TMEM260: variants seen among roughly 807,000 people sequenced by gnomAD.
The protein encoded by TMEM260 is protein O-mannosyl-transferase TMEM260.
Under a neutral mutation model 88.9 loss-of-function variants are expected in TMEM260, and 82 were observed. The ratio of observed to expected loss-of-function variants is 0.92; its 90% CI spans 0.77 to 1.11. The LOEUF (loss-of-function observed/expected upper bound fraction) is 1.11, where lower values mean the gene tolerates loss of function less well. Ranked by LOEUF, TMEM260 falls within the 50% of genes least tolerant of loss-of-function variation. The probability of loss-of-function intolerance (pLI) is 0.00; values close to 1 mark genes in which losing one functional copy is unlikely to be tolerated. For missense variants in TMEM260, 902 were observed against 853.4 expected (o/e 1.06, Z -0.71); for synonymous variants, 314 against 309.3 (o/e 1.02, Z -0.16).
At chr14:56,604,369 T>C (rs1886765416) in intron 4 of TMEM260, among the ~76,000 whole-genome samples, 1 of 152,188 alleles carries the variant, frequency 6.6e-6, no homozygotes, top group African/African-American at 2.4e-5. Context: ...CACTCCTTAA[T>C]TGCCAAAAAA....
At chr14:56,635,067 A>T in intron 14 of TMEM260, 115 bp downstream of exon 14, 2 of 865,418 alleles carry the variant, frequency 2.3e-6, no homozygotes, top group Non-Finnish European at 3.8e-6. Flanking sequence ...AATAGCATTT[A>T]TGAGCAATTA....
At chr14:56,654,414 G>A (rs1890263127), downstream of TMEM260, among the ~76,000 whole-genome samples, 1 of 152,210 alleles carries the variant, frequency 6.6e-6, no homozygotes, top group Non-Finnish European at 1.5e-5. Flanking sequence ...GTATTTTAGA[G>A]AAAGAAATAT....
At position 56,618,612 on chromosome 14, in the gene TMEM260, C is replaced by T; in HGVS notation, c.1075C>T (p.Gln359Ter). ...FMGVVERFWM[Q>*]SNAVVAVLAG... The stretch of plus-strand genomic sequence containing the variant: ...TTCACAGGTGGAACGATTCTGGATG[C>T]AGAGCAATGCAGTAGTGGCCGTCCT... The change falls in exon 10 of 16, where the codon CAG (glutamine) becomes TAG (stop). Residue 359 changes from glutamine to a stop codon, truncating the protein, a stop_gained. Transcript: ENST00000261556. LOFTEE classifies it high-confidence loss of function. 1 of 1,613,982 alleles carries T rather than the reference C, an allele frequency of 6.2e-7. No homozygotes were observed. Among genetic ancestry groups the T allele is most frequent in the Non-Finnish European group, 8.5e-7 (1 of 1,179,990 alleles).
In TMEM260 at chr14:56,580,073, C is replaced by T. The variant is rs776795267; in HGVS notation, c.159C>T (p.Ser53=). 1.7e-5 allele frequency: 21 copies of T among 1,251,406 alleles called. No homozygotes were observed. In the East Asian group the frequency reaches 5.0e-4, roughly 30 times the overall value. The allele number at this position is 1,251,406 out of a possible 1,614,324, so 77.5% of individuals were successfully genotyped here. A position where few individuals can be genotyped will look rare whatever the true frequency, so the allele number is the denominator to read the frequency against. The change falls in exon 1 of 16, where the codon TCC becomes TCT. Residue 53 remains serine (S), a splice_region_variant and synonymous_variant. Coordinates refer to ENST00000261556, the MANE Select transcript of TMEM260 (RefSeq NM_017799.4). The part of the protein sequence containing the change: ...TLPPSVPGGD[S]GELITAAHEL... ...CCCCTTCGGTACCGGGGGGAGACTCCGGTAAAGTACTCGCAGGGTTGCCCC... is the reference window on the plus strand; with the variant it reads ...CCCCTTCGGTACCGGGGGGAGACTCTGGTAAAGTACTCGCAGGGTTGCCCC...
chr14:56,612,198 C>T (rs749013112), intron 6 of TMEM260, 47 bp from the exon 7 acceptor site: 9 of 1,514,180 alleles, frequency 5.9e-6, no homozygotes, highest in Middle Eastern at 1.7e-4. Flanking sequence ...CCTAATAAAG[C>T]GTCAGTTTAA....
At chr14:56,594,536 C>T (rs970578567) in intron 3 of TMEM260, among the ~76,000 whole-genome samples, 1 of 152,096 alleles carries the variant, frequency 6.6e-6, no homozygotes, top group Non-Finnish European at 1.5e-5. Context: ...AAAATACAAT[C>T]ATGTTTTTGA....
chr14:56,581,061 A>G (rs992397428), intron 1 of TMEM260, among the ~76,000 whole-genome samples: 2 of 152,162 alleles, frequency 1.3e-5, no homozygotes, highest in South Asian at 2.1e-4. Flanking sequence ...TCAAGGCTCA[A>G]TTTGGGGAGA....
At chr14:56,660,809 A>G in the TMEM260 span, among the ~76,000 whole-genome samples, 1 of 152,158 alleles carries the variant, frequency 6.6e-6, no homozygotes, top group African/African-American at 2.4e-5. Context: ...TCTCTTCTCT[A>G]CCTGTTACAA....
intron 10 of TMEM260, 123 bp downstream of exon 10, chr14:56,618,886 T>G (rs1887745593): frequency 1.1e-6 from 1 of 915,644 alleles, no homozygotes; most frequent in Non-Finnish European, 1.6e-6. Flanking sequence ...GACAGCTTGG[T>G]TGAATGCAGT....
chr14:56,580,111 C>A (rs2275025), intron 1 of TMEM260, 37 bp downstream of exon 1: 489,214 of 1,245,634 alleles, frequency 0.39, 100,325 homozygotes, highest in East Asian at 0.51. Flanking sequence ...CTGTCCCTCT[C>A]CCCTGGTCCC....
chr14:56,653,754 A>ACAACAAAAAAAAC (rs57618660), downstream of TMEM260, among the ~76,000 whole-genome samples: 1 of 151,040 alleles, frequency 6.6e-6, no homozygotes, highest in Non-Finnish European at 1.5e-5. Context: ...AAAAAAAAAA[A>ACAACAAAAAAAAC]ACAGGACATC....
chr14:56,611,319 C>G (rs1468958953), intron 6 of TMEM260, among the ~76,000 whole-genome samples: 1 of 152,178 alleles, frequency 6.6e-6, no homozygotes, highest in Admixed American at 6.5e-5. Flanking sequence ...TTAGTTTTCA[C>G]TGACTTCTGT....
downstream of TMEM260, among the ~76,000 whole-genome samples, chr14:56,651,421 CAAAA>C (rs1048023898): frequency 6.6e-6 from 1 of 151,280 alleles, no homozygotes; most frequent in Non-Finnish European, 1.5e-5. Flanking sequence ...TATTGGAAAA[CAAAA>C]AAAAGGTGGT....
intron 12 of TMEM260, among the ~76,000 whole-genome samples, chr14:56,627,128 T>C (rs1187680821): frequency 6.6e-6 from 1 of 152,132 alleles, no homozygotes; most frequent in Non-Finnish European, 1.5e-5. Flanking sequence ...TCTTATAATA[T>C]ACAATTATGA....
chr14:56,622,051 T>C (rs941464123), intron 11 of TMEM260, among the ~76,000 whole-genome samples: 6 of 152,174 alleles, frequency 3.9e-5, no homozygotes, highest in African/African-American at 7.2e-5. Context: ...TAAATTGTTA[T>C]TTTACATTCA....
chr14:56,602,907 A>T (rs995106597), intron 3 of TMEM260, among the ~76,000 whole-genome samples: 1 of 152,310 alleles, frequency 6.6e-6, no homozygotes, highest in South Asian at 2.1e-4. Context: ...GAGCTATAGA[A>T]TATGATAATT....
At chr14:56,629,273 T>G (rs1888430168) in intron 12 of TMEM260, among the ~76,000 whole-genome samples, 1 of 148,130 alleles carries the variant, frequency 6.8e-6, no homozygotes, top group Non-Finnish European at 1.5e-5. Context: ...TTTTTGTTGT[T>G]TTTTTTTTTT....
Position 56,621,736 on chromosome 14 carries a change from G to A in TMEM260, c.1398+34G>A, listed in dbSNP as rs751681956. On this transcript the variant is annotated intron_variant, in intron 11 of 15. Transcript: ENST00000261556. ...ATGAAAAATATACTTAGAATATAGC[G>A]ATGATTTAAAAACATATGTTTTGGA... 49 of 1,548,998 alleles carry A rather than the reference G, an allele frequency of 3.2e-5. No homozygotes were observed. The South Asian group carries it at 4.7e-4, about 15-fold the overall frequency.
chr14:56,640,780 A>C (rs1889529304), intron 15 of TMEM260, among the ~76,000 whole-genome samples: 1 of 152,170 alleles, frequency 6.6e-6, no homozygotes, highest in Admixed American at 6.5e-5. Context: ...AACTAGAATA[A>C]CCAATGCAGA....
Sources: allele counts gnomAD v4.1 joint callset (sites outside exome capture counted in the v4.1 genomes callset), GRCh38; gene constraint gnomAD v4.1.1; transcripts MANE v1.5; gene names NCBI Gene and HGNC (gene_info 2026-07-23, HGNC 2026-07-21).